GSDME: variants seen among roughly 807,000 people sequenced by gnomAD.
The protein encoded by GSDME is gasdermin-E.
Under a neutral mutation model 47.5 loss-of-function variants are expected in GSDME, and 44 were observed. The ratio of observed to expected loss-of-function variants is 0.93; its 90% CI spans 0.73 to 1.19. GSDME has a LOEUF of 1.19. Among genes scored for constraint, GSDME ranks in the 50% most tolerant of loss-of-function variants. The pLI, the probability that GSDME is intolerant of heterozygous loss-of-function variation, is 0.00. For synonymous variants in GSDME, 258 were observed against 252.8 expected, an observed-to-expected ratio of 1.02 and a Z score of -0.20; for missense variants, 663 against 604.2, an observed-to-expected ratio of 1.10 and a Z score of -1.02.
intron 8 of GSDME, chr7:24,704,841 A>G (rs1338198110): frequency 6.6e-6 from 1 of 151,834 alleles, no homozygotes; most frequent in Non-Finnish European, 1.5e-5. Context: ...AGAGGTACAC[A>G]CCACCATGCC....
the GSDME span, among the ~76,000 whole-genome samples, chr7:24,781,147 G>C: frequency 6.6e-6 from 1 of 152,208 alleles, no homozygotes; most frequent in South Asian, 2.1e-4. Context: ...TTTCCAAGGA[G>C]ATCAACATGA....
chr7:24,764,580 A>C, the GSDME span, among the ~76,000 whole-genome samples: 1 of 152,090 alleles, frequency 6.6e-6, no homozygotes, highest in Non-Finnish European at 1.5e-5. This position sits in a 1 kb window ranked among gnomAD's most constrained non-coding sequence, Gnocchi z 4.4. Context: ...ATATTAAAAA[A>C]CAATAAAAAA....
intron 5 of GSDME, among the ~76,000 whole-genome samples, chr7:24,711,991 T>C (rs1244946314): frequency 6.6e-6 from 1 of 152,222 alleles, no homozygotes; most frequent in Admixed American, 6.5e-5. Context: ...TACTAACTTG[T>C]GTACGTAAGC....
rs75020804 is a variant in GSDME, at chr7:24,701,164, A to C, written c.1257+1596T>G. On this transcript the variant is annotated intron_variant, in intron 9 of 9. Transcript: ENST00000645220. The stretch of plus-strand genomic sequence containing the variant: ...CCGTTTTAAGTAAATCCCTTAAAGA[A>C]ACATGACGCTCAAATTCCTTCAGGA... Among the ~76,000 whole-genome samples, 374 of 152,344 alleles carry C rather than the reference A, an allele frequency of 2.5e-3. 2 individuals are homozygous for C. Among genetic ancestry groups the C allele is most frequent in the African/African-American group, 8.5e-3 (353 of 41,578 alleles).
At chr7:24,708,484 T>C (rs552504005) in intron 6 of GSDME, among the ~76,000 whole-genome samples, 2 of 152,350 alleles carry the variant, frequency 1.3e-5, no homozygotes, top group African/African-American at 4.8e-5. Flanking sequence ...AGCCAAGTTT[T>C]GTATTTCAAG....
In GSDME at chr7:24,708,796, T is replaced by G. The variant is rs1030798040; in HGVS notation, c.863-542A>C. On this transcript the variant is annotated intron_variant, in intron 6 of 9. Coordinates refer to ENST00000645220, the MANE Select transcript of GSDME (RefSeq NM_001127453.2). ...AGCTATTCTTTCTCTATCCTTTGCT[T>G]CTTCATGAGTCCTCAAGCTGAGCAC... Among the ~76,000 whole-genome samples the G allele has an allele frequency of 7.9e-5, 12 of 152,352 alleles. No individual in the cohort carries two copies. In the East Asian group the frequency reaches 1.2e-3, roughly 15 times the overall value.
At chr7:24,772,942 A>G in the GSDME span, among the ~76,000 whole-genome samples, 12 of 152,252 alleles carry the variant, frequency 7.9e-5, no homozygotes, top group African/African-American at 2.9e-4. The surrounding 1 kb of genome is among the most constrained non-coding windows in gnomAD (Gnocchi z 4.5). Flanking sequence ...ATTACAGCCA[A>G]TGAGACACCC....
At chr7:24,722,577 G>A (rs562719823) in intron 3 of GSDME, among the ~76,000 whole-genome samples, 3 of 152,198 alleles carry the variant, frequency 2.0e-5, no homozygotes, top group East Asian at 1.9e-4. Context: ...GCCTGGTGAC[G>A]ACCCCACAAC....
At chr7:24,711,452 T>C (rs1789348642) in intron 5 of GSDME, among the ~76,000 whole-genome samples, 1 of 152,018 alleles carries the variant, frequency 6.6e-6, no homozygotes, top group African/African-American at 2.4e-5. Context: ...CTCAAGTTGA[T>C]CCACCTACCT....
intron 3 of GSDME, among the ~76,000 whole-genome samples, chr7:24,734,958 AC>A (rs1790255484): frequency 6.6e-6 from 1 of 152,216 alleles, no homozygotes; most frequent in South Asian, 2.1e-4. Context: ...GTTACAGAAC[AC>A]CAGGCAGATT....
chr7:24,792,622 G>C, the GSDME span, among the ~76,000 whole-genome samples: 1 of 152,324 alleles, frequency 6.6e-6, no homozygotes, highest in African/African-American at 2.4e-5. Flanking sequence ...AGATGAAAGA[G>C]TTAAATTTTT....
the GSDME span, among the ~76,000 whole-genome samples, chr7:24,781,497 A>G: frequency 3.3e-5 from 5 of 152,174 alleles, no homozygotes; most frequent in Non-Finnish European, 7.3e-5. Context: ...AGCAATTTAC[A>G]TATATTATGT....
chr7:24,795,394 T>G, the GSDME span, among the ~76,000 whole-genome samples: 28 of 152,108 alleles, frequency 1.8e-4, no homozygotes, highest in South Asian at 5.2e-3. Flanking sequence ...GACACCGAGT[T>G]GAGGAAGGAA....
chr7:24,706,384 G>A lies in GSDME; in HGVS notation c.991-8C>T. The A allele has an allele frequency of 6.2e-7, 1 of 1,611,574 alleles. No individual in the cohort carries two copies. The highest frequency in any genetic ancestry group is 2.2e-5 in the East Asian group (1 of 44,816). ...GCTGACCAGGTCATCGCACTGTAGG[G>A]CAGGGAAGAAGAAGGGTCATGACAC... is the stretch of plus-strand genomic sequence containing the variant. On this transcript the variant is annotated splice_region_variant and splice_polypyrimidine_tract_variant and intron_variant, in intron 7 of 9. Transcript: ENST00000645220.
At chr7:24,767,846 G>T in the GSDME span, among the ~76,000 whole-genome samples, 1 of 152,236 alleles carries the variant, frequency 6.6e-6, no homozygotes, top group South Asian at 2.1e-4. The surrounding 1 kb of genome is among the most constrained non-coding windows in gnomAD (Gnocchi z 5.3). Context: ...CAGAAAAAAT[G>T]CTTTTGATGG....
Position 24,716,580 on chromosome 7 carries a change from A to G in GSDME, c.697+674T>C. The G allele has an allele frequency of 6.4e-6, 1 of 156,132 alleles. No individual in the cohort carries two copies. Among genetic ancestry groups the G allele is most frequent in the Non-Finnish European group, 1.4e-5 (1 of 70,386 alleles). The allele number at this position is 156,132 out of a possible 1,614,324, so 9.7% of individuals were successfully genotyped here. On this transcript the variant is annotated intron_variant, in intron 5 of 9. Coordinates refer to ENST00000645220, the MANE Select transcript of GSDME (RefSeq NM_001127453.2). This position sits in a 1 kb window ranked among gnomAD's most constrained non-coding sequence, Gnocchi z 4.5. ...AGGAGGGAAGGGGCTGTGAACACCT[A>G]AAGTGAGCAGACACGCTGAACCAAA...
the GSDME span, among the ~76,000 whole-genome samples, chr7:24,778,458 TTTTTA>T: frequency 6.6e-6 from 1 of 152,172 alleles, no homozygotes; most frequent in African/African-American, 2.4e-5. The surrounding 1 kb of genome is among the most constrained non-coding windows in gnomAD (Gnocchi z 5.6). Flanking sequence ...AATGGAAGAC[TTTTTA>T]TTTTGTTTTG....
chr7:24,765,836 TG>T, the GSDME span, among the ~76,000 whole-genome samples: 1 of 152,238 alleles, frequency 6.6e-6, no homozygotes, highest in Non-Finnish European at 1.5e-5. Context: ...ATTGGATCTT[TG>T]TACAACTCTA....
chr7:24,760,643 C>G (rs1791152790), upstream of GSDME, among the ~76,000 whole-genome samples: 1 of 152,070 alleles, frequency 6.6e-6, no homozygotes, highest in African/African-American at 2.4e-5. This position sits in a 1 kb window ranked among gnomAD's most constrained non-coding sequence, Gnocchi z 4.2. Context: ...ATAATTTTGC[C>G]TTTTACCATA....
Sources: gnomAD v4.1 joint callset for allele counts (sites outside exome capture counted in the v4.1 genomes callset) on GRCh38, gnomAD v4.1.1 for gene constraint, Gnocchi (gnomAD v3.1) non-coding constraint, MANE v1.5 for transcripts, NCBI Gene and HGNC (gene_info 2026-07-23, HGNC 2026-07-21) for gene names.